IL6: variants seen among roughly 807,000 people sequenced by gnomAD.
IL6 encodes interleukin-6.
A neutral mutation model predicts 18.0 loss-of-function variants in IL6; 5 were observed. That is an observed-to-expected ratio of 0.28 (90% confidence interval 0.15 to 0.58). The LOEUF is 0.58. Among genes scored for constraint, IL6 ranks in the 20% least tolerant of loss-of-function variants. IL6 has a pLI of 0.90. For synonymous variants in IL6, 97 were observed against 95.1 expected, an observed-to-expected ratio of 1.02 and a Z score of -0.12; for missense variants, 266 against 251.0, an observed-to-expected ratio of 1.06 and a Z score of -0.40.
In IL6 at chr7:22,727,445, C is replaced by G; in HGVS notation, c.21C>G (p.Ser7Arg). 1 of 1,613,894 alleles carries G rather than the reference C, an allele frequency of 6.2e-7. No homozygotes were observed. The highest frequency in any genetic ancestry group is 8.5e-7 in the Non-Finnish European group (1 of 1,179,870). The change falls in exon 2 of 5, where the codon AGC (serine) becomes AGG (arginine). Residue 7 changes from serine to arginine, a missense_variant and splice_region_variant. Coordinates refer to ENST00000258743, the MANE Select transcript of IL6 (RefSeq NM_000600.5). The stretch of plus-strand genomic sequence containing the variant: ...TGCGCTCGCTCCCCTCCGGCACAGG[C>G]GCCTTCGGTCCAGTTGCCTTCTCCC... MNSFSTSAFGPVAFSLG... is the reference protein window; with the variant it reads MNSFSTRAFGPVAFSLG...
In IL6 at chr7:22,731,418, G is replaced by C; in HGVS notation, c.484G>C (p.Asp162His). 1.3e-6 allele frequency: 2 copies of C among 1,573,130 alleles called. No individual in the cohort carries two copies. Among genetic ancestry groups the C allele is most frequent in the South Asian group, 2.3e-5 (2 of 87,192 alleles). The change falls in exon 5 of 5, where the codon GAT becomes CAT. Residue 162 changes from aspartate (D) to histidine (H), a missense_variant. Coordinates refer to ENST00000258743, the MANE Select transcript of IL6 (RefSeq NM_000600.5). ...QFLQKKAKNL[D>H]AITTPDPTTN... is the part of the protein sequence containing the mutation. Reference sequence around the variant, plus strand: ...CATTTTCCTTCAGGCAAAGAATCTAGATGCAATAACCACCCCTGACCCAAC... The same window carrying C: ...CATTTTCCTTCAGGCAAAGAATCTACATGCAATAACCACCCCTGACCCAAC...
intron 2 of IL6, 136 bp downstream of exon 2, chr7:22,727,770 C>T (rs1784041530): frequency 2.2e-6 from 2 of 891,468 alleles, no homozygotes; most frequent in Non-Finnish European, 3.3e-6. Flanking sequence ...GCCAACGGGG[C>T]CGACTAGACT....
In IL6 at chr7:22,731,896, A is replaced by C. The variant is rs1047607087; in HGVS notation, c.*323A>C. 1.9e-5 allele frequency: 3 copies of C among 155,902 alleles called. No homozygotes were observed. The highest frequency in any genetic ancestry group is 7.2e-5 in the African/African-American group (3 of 41,408). The allele number at this position is 155,902 out of a possible 1,614,324, so 9.7% of individuals were successfully genotyped here. ...TCTTGGAAAGTGTAGGCTTACCTCA[A>C]ATAAATGGCTAACTTATACATATTT... On this transcript the variant is annotated 3_prime_UTR_variant, in exon 5 of 5. Transcript: ENST00000258743.
intron 4 of IL6, among the ~76,000 whole-genome samples, chr7:22,731,049 A>C (rs1444805272): frequency 6.6e-6 from 1 of 152,046 alleles, no homozygotes; most frequent in East Asian, 1.9e-4. Flanking sequence ...CAGCCTGGTC[A>C]ACATGGTAAA....
intron 1 of IL6, 24 bp from the exon 2 acceptor site, chr7:22,727,420 T>G: frequency 6.2e-7 from 1 of 1,613,544 alleles, no homozygotes; most frequent in Non-Finnish European, 8.5e-7. Context: ...AGCTCACCCC[T>G]GCGCTCGCTC....
At chr7:22,731,357 G>C in intron 4 of IL6, 49 bp from the exon 5 acceptor site, 1 of 1,436,812 alleles carries the variant, frequency 7.0e-7, no homozygotes, top group Non-Finnish European at 9.4e-7. Flanking sequence ...CCACTGCAAA[G>C]GATTTATTCA....
rs769888477 is a variant in IL6, at chr7:22,731,439, C to T, written c.505C>T (p.Pro169Ser). ...KNLDAITTPD[P>S]TTNASLLTKL... ...TCTAGATGCAATAACCACCCCTGAC[C>T]CAACCACAAATGCCAGCCTGCTGAC... Residue 169 changes from proline to serine, a missense_variant, in exon 5 of 5, where the codon CCA becomes TCA. Physicochemically the swap from Pro to Ser is moderately conservative, Grantham distance 74. Coordinates refer to ENST00000258743, the MANE Select transcript of IL6 (RefSeq NM_000600.5). 3.1e-6 allele frequency: 5 copies of T among 1,604,348 alleles called. No individual in the cohort carries two copies. The South Asian group carries it at 5.6e-5, about 18-fold the overall frequency.
chr7:22,728,471 T>A, intron 2 of IL6: 1 of 510,200 alleles, frequency 2.0e-6, no homozygotes, highest in Non-Finnish European at 3.5e-6. Flanking sequence ...ATAAGGAAAC[T>A]GAGACTCAGG....
Position 22,727,599 on chromosome 7 carries a change from T to C in IL6, c.175T>C (p.Tyr59His), listed in dbSNP as rs201822486. 7 of 1,576,216 alleles carry C rather than the reference T, an allele frequency of 4.4e-6. No homozygotes were observed. In the African/African-American group the frequency reaches 5.4e-5, roughly 12 times the overall value. ...SSERIDKQIR[Y>H]ILDGISALRK... ...AGAACGAATTGACAAACAAATTCGG[T>C]ACATCCTCGACGGCATCTCAGCCCT... The change falls in exon 2 of 5, where the codon TAC becomes CAC. Residue 59 changes from tyrosine to histidine, a missense_variant. By Grantham distance (83) the Tyr-to-His change is moderately conservative. Coordinates refer to ENST00000258743, the MANE Select transcript of IL6 (RefSeq NM_000600.5).
intron 2 of IL6, 93 bp downstream of exon 2, chr7:22,727,727 C>T: frequency 7.1e-7 from 1 of 1,404,058 alleles, no homozygotes; most frequent in South Asian, 1.4e-5. Context: ...ATTAGGAGGT[C>T]TTTGCTGGGT....
chr7:22,728,374 GTTA>G, intron 2 of IL6: 1 of 275,804 alleles, frequency 3.6e-6, no homozygotes, highest in Non-Finnish European at 7.0e-6. Flanking sequence ...CAAAATTGCT[GTTA>G]TTAAGTATCT....
intron 2 of IL6, 31 bp downstream of exon 2, chr7:22,727,665 C>T (rs201439472): frequency 5.2e-5 from 80 of 1,525,740 alleles, no homozygotes; most frequent in Non-Finnish European, 6.8e-5. Flanking sequence ...GGTTGAAGGG[C>T]CCGGTGCGCA....
At chr7:22,730,867 C>A (rs1784112290) in intron 4 of IL6, among the ~76,000 whole-genome samples, 1 of 151,930 alleles carries the variant, frequency 6.6e-6, no homozygotes, top group Admixed American at 6.6e-5. Flanking sequence ...CAAAACCAAA[C>A]AAACAAAAAT....
Position 22,731,638 on chromosome 7 carries a change from G to A in IL6, c.*65G>A. 7.0e-6 allele frequency: 9 copies of A among 1,286,716 alleles called. No homozygotes were observed. Among genetic ancestry groups the A allele is most frequent in the Non-Finnish European group, 9.6e-6 (9 of 940,340 alleles). 79.7% of individuals were successfully genotyped at this position (1,286,716 alleles called of 1,614,324 possible). A position where few individuals can be genotyped will look rare whatever the true frequency, so the allele number is the denominator to read the frequency against. On this transcript the variant is annotated 3_prime_UTR_variant, in exon 5 of 5. Transcript: ENST00000258743. ...TCTTCTGGTCAGAAACCTGTCCACT[G>A]GGCACAGAACTTATGTTGTTCTCTA...
intron 2 of IL6, 53 bp from the exon 3 acceptor site, chr7:22,728,640 G>A: frequency 1.0e-6 from 1 of 983,458 alleles, no homozygotes; most frequent in Non-Finnish European, 1.6e-6. Flanking sequence ...GCCCTCTAGT[G>A]GTGTTTGTTT....
rs1784086370 is a variant in IL6 at position 22,729,629 on chromosome 7, C to T, written c.440C>T (p.Thr147Ile). The change falls in exon 4 of 5, where the codon ACA becomes ATA. Residue 147 changes from threonine (T) to isoleucine (I), a missense_variant. Thr to Ile is a moderately conservative substitution (Grantham distance 89). Coordinates refer to ENST00000258743, the MANE Select transcript of IL6 (RefSeq NM_000600.5). ...EEQARAVQMS[T>I]KVLIQFLQKK... ...CAAGCCAGAGCTGTGCAGATGAGTA[C>T]AAAAGTCCTGATCCAGTTCCTGCAG... 1 of 1,614,114 alleles carries T rather than the reference C, an allele frequency of 6.2e-7. No homozygotes were observed. Among genetic ancestry groups the T allele is most frequent in the African/African-American group, 1.3e-5 (1 of 75,026 alleles).
chr7:22,731,949 A>G lies in IL6; in HGVS notation c.*376A>G, dbSNP rs529245167. On this transcript the variant is annotated 3_prime_UTR_variant, in exon 5 of 5. Coordinates refer to ENST00000258743, the MANE Select transcript of IL6 (RefSeq NM_000600.5). ...AAAGAAATATTTATATTGTATTTATATAATGTATAAATGGTTTTTATACCA... is the reference window on the plus strand; with the variant it reads ...AAAGAAATATTTATATTGTATTTATGTAATGTATAAATGGTTTTTATACCA... 9 of 150,664 alleles carry G rather than the reference A, an allele frequency of 6.0e-5. No homozygotes were observed. Among genetic ancestry groups the G allele is most frequent in the African/African-American group, 2.2e-4 (9 of 41,184 alleles). 9.3% of individuals were successfully genotyped at this position (150,664 alleles called of 1,614,324 possible).
chr7:22,729,113 C>T (rs916490187), intron 3 of IL6, among the ~76,000 whole-genome samples: 16 of 152,232 alleles, frequency 1.1e-4, no homozygotes, highest in African/African-American at 2.9e-4. Context: ...TCTCTGGCTG[C>T]CCCTGGCAGG....
In IL6 at chr7:22,727,559, G is replaced by A. The variant is rs1306736896; in HGVS notation, c.135G>A (p.Gln45=). The change falls in exon 2 of 5, where the codon CAG becomes CAA. Residue 45 remains glutamine, a synonymous_variant. Transcript: ENST00000258743. The stretch of plus-strand genomic sequence containing the variant: ...AAGATGTAGCCGCCCCACACAGACA[G>A]CCACTCACCTCTTCAGAACGAATTG... ...DSKDVAAPHR[Q]PLTSSERIDK... 4 of 1,608,148 alleles carry A rather than the reference G, an allele frequency of 2.5e-6. No individual in the cohort carries two copies. The highest frequency in any genetic ancestry group is 1.3e-5 in the African/African-American group (1 of 74,616).
Sources: allele counts gnomAD v4.1 joint callset (sites outside exome capture counted in the v4.1 genomes callset), GRCh38; gene constraint gnomAD v4.1.1; transcripts MANE v1.5; gene names NCBI Gene and HGNC (gene_info 2026-07-23, HGNC 2026-07-21).